Variants in TMOD1 observed in about 807,000 individuals in gnomAD.
TMOD1 encodes tropomodulin 1.
TMOD1 carries 17 observed loss-of-function variants against 40.6 expected under a neutral mutation model. That is an observed-to-expected ratio of 0.42 (90% CI 0.29 to 0.63). TMOD1 has a LOEUF of 0.63. Among genes scored for constraint, TMOD1 ranks in the 20% least tolerant of loss-of-function variants. TMOD1 has a pLI of 0.22. For missense variants in TMOD1, 391 were observed against 447.6 expected, an observed-to-expected ratio of 0.87 and a Z score of 1.14; for synonymous variants, 181 against 175.0, an observed-to-expected ratio of 1.03 and a Z score of -0.27.
At chr9:97,577,878 A>C (rs902333644) in intron 8 of TMOD1, among the ~76,000 whole-genome samples, 1 of 152,232 alleles carries the variant, frequency 6.6e-6, no homozygotes, top group Non-Finnish European at 1.5e-5. Flanking sequence ...GCTTTTGTAA[A>C]ATGTTTATGA....
intron 8 of TMOD1, among the ~76,000 whole-genome samples, chr9:97,573,303 C>T (rs947787686): frequency 6.6e-6 from 1 of 152,234 alleles, no homozygotes; most frequent in African/African-American, 2.4e-5. Context: ...GTGAGTCCCA[C>T]AAATGAGAAT....
At chr9:97,580,579 C>T (rs1255502358) in intron 8 of TMOD1, among the ~76,000 whole-genome samples, 2 of 146,986 alleles carry the variant, frequency 1.4e-5, no homozygotes, top group African/African-American at 2.5e-5. Flanking sequence ...ACACTCCAGC[C>T]TGGGCAACAG....
rs545813327 is a variant in TMOD1 at position 97,530,647 on chromosome 9, C to T, written c.120+6339C>T. ...GGACTACAGGCGCCCGCCACCATGC[C>T]TGGCTAATTGTTTTTGTATTTTTAG... On this transcript the variant is annotated intron_variant, in intron 2 of 9. Transcript: ENST00000259365. Among the ~76,000 whole-genome samples the T allele has an allele frequency of 6.2e-3, 946 of 152,102 alleles. 3 individuals carry two copies. The highest frequency in any genetic ancestry group is 8.3e-3 in the Non-Finnish European group (567 of 67,972).
intron 4 of TMOD1, 62 bp downstream of exon 4, chr9:97,553,462 A>G (rs191444659): frequency 1.4e-4 from 229 of 1,605,670 alleles, no homozygotes; most frequent in Middle Eastern, 3.3e-4. Flanking sequence ...ATCTGCAGGG[A>G]GCCTTGTAGG....
At position 97,502,946 on chromosome 9, in the gene TMOD1, C is replaced by A. The variant is rs80331764; in HGVS notation, c.-49+1143C>A. On this transcript the variant is annotated intron_variant, in intron 1 of 9. Coordinates refer to ENST00000259365, the MANE Select transcript of TMOD1 (RefSeq NM_003275.4). This position sits in a 1 kb window ranked among gnomAD's most constrained non-coding sequence, Gnocchi z 6.1. ...ACCTGCGCAGCGCCGCCCCCTCCTA[C>A]ACCCTTCACCCACCGCTACTATTAC... Among the ~76,000 whole-genome samples, 1,486 of 152,192 alleles carry A rather than the reference C, an allele frequency of 9.8e-3. 76 individuals carry two copies. Among genetic ancestry groups the A allele is most frequent in the Admixed American group, 0.084 (1,288 of 15,288 alleles).
chr9:97,524,250 C>T lies in TMOD1; in HGVS notation c.62C>T (p.Ala21Val). The stretch of plus-strand genomic sequence containing the variant: ...CTGGATGAAGATGAAATCCTTGGAG[C>T]CCTAACAGAGGAAGAGCTGAGGACC... ...RDLDEDEILG[A>V]LTEEELRTLE... is the part of the protein sequence containing the mutation. Residue 21 changes from alanine (A) to valine (V), a missense_variant, in exon 2 of 10, where the codon GCC (alanine) becomes GTC (valine). Ala to Val is a moderately conservative substitution (Grantham distance 64). Coordinates refer to ENST00000259365, the MANE Select transcript of TMOD1 (RefSeq NM_003275.4). 1.2e-6 allele frequency: 2 copies of T among 1,614,108 alleles called. No individual in the cohort carries two copies. The highest frequency in any genetic ancestry group is 1.7e-6 in the Non-Finnish European group (2 of 1,180,010).
intron 8 of TMOD1, among the ~76,000 whole-genome samples, chr9:97,582,796 CTGTT>C (rs1316958690): frequency 7.4e-6 from 1 of 134,954 alleles, no homozygotes; most frequent in Non-Finnish European, 1.6e-5. Context: ...ATTTGGCTCT[CTGTT>C]TGTCTGTTAT....
At chr9:97,508,436 C>T (rs1007288916) in intron 1 of TMOD1, among the ~76,000 whole-genome samples, 1 of 152,130 alleles carries the variant, frequency 6.6e-6, no homozygotes, top group Non-Finnish European at 1.5e-5. Flanking sequence ...GTGATCCACC[C>T]ACCTCGGCCT....
At position 97,591,273 on chromosome 9, in the gene TMOD1, A is replaced by C; in HGVS notation, c.871-18A>C. ...GTGGTGATTTTATTTTTTATTTTTTATTTTTTCTTGACTAAAGAGCCAGCC... is the reference window on the plus strand; with the variant it reads ...GTGGTGATTTTATTTTTTATTTTTTCTTTTTTCTTGACTAAAGAGCCAGCC... On this transcript the variant is annotated intron_variant, in intron 8 of 9. Transcript: ENST00000259365. The C allele has an allele frequency of 1.3e-6, 2 of 1,592,098 alleles. No homozygotes were observed. Among genetic ancestry groups the C allele is most frequent in the Non-Finnish European group, 1.7e-6 (2 of 1,168,630 alleles).
intron 8 of TMOD1, among the ~76,000 whole-genome samples, chr9:97,590,636 A>AT (rs991133465): frequency 9.0e-4 from 131 of 145,464 alleles, no homozygotes; most frequent in Non-Finnish European, 1.8e-3. Context: ...TTTTTTTCTG[A>AT]TTTTTTTTCT....
chr9:97,553,889 A>C (rs940508287), intron 4 of TMOD1, among the ~76,000 whole-genome samples: 19 of 152,114 alleles, frequency 1.2e-4, no homozygotes, highest in African/African-American at 4.1e-4. Flanking sequence ...CATGCCCTCC[A>C]TCTTCATATG....
chr9:97,556,049 G>T (rs1275494356), intron 4 of TMOD1, among the ~76,000 whole-genome samples: 1 of 152,004 alleles, frequency 6.6e-6, no homozygotes, highest in Non-Finnish European at 1.5e-5. Flanking sequence ...GATGAAACTT[G>T]GGACTAGGGG....
intron 1 of TMOD1, among the ~76,000 whole-genome samples, chr9:97,508,379 G>A (rs980562994): frequency 6.6e-6 from 1 of 151,910 alleles, no homozygotes; most frequent in Non-Finnish European, 1.5e-5. Context: ...TAGTAGAGAT[G>A]GGGTTTCGCC....
At position 97,556,884 on chromosome 9, in the gene TMOD1, C is replaced by T. The variant is rs184669953; in HGVS notation, c.397+3484C>T. ...TTGGGAGCGGCAGGAGGAGCGGTTC[C>T]GGGCTGGGGAGGGCAGGCCCCTCTG... On this transcript the variant is annotated intron_variant, in intron 4 of 9. Transcript: ENST00000259365. Among the ~76,000 whole-genome samples the T allele has an allele frequency of 5.5e-4, 84 of 152,152 alleles. 1 individual carries two copies. The highest frequency in any genetic ancestry group is 1.9e-3 in the African/African-American group (77 of 41,530).
chr9:97,508,088 C>G (rs1044939866), intron 1 of TMOD1, among the ~76,000 whole-genome samples: 41 of 151,370 alleles, frequency 2.7e-4, no homozygotes, highest in African/African-American at 9.0e-4. Flanking sequence ...CACACACACA[C>G]ACACACACAC....
At chr9:97,529,188 A>G (rs548720938) in intron 2 of TMOD1, among the ~76,000 whole-genome samples, 1 of 152,300 alleles carries the variant, frequency 6.6e-6, no homozygotes, top group South Asian at 2.1e-4. Context: ...TAGGAAAATA[A>G]TCCCTCTTTT....
chr9:97,503,856 C>T (rs1261287338), intron 1 of TMOD1, among the ~76,000 whole-genome samples: 1 of 152,206 alleles, frequency 6.6e-6, no homozygotes, highest in Non-Finnish European at 1.5e-5. Flanking sequence ...AAGGTGGTCT[C>T]TAGTGGACCT....
intron 8 of TMOD1, among the ~76,000 whole-genome samples, chr9:97,580,830 C>A (rs1188074981): frequency 1.3e-5 from 2 of 152,052 alleles, no homozygotes; most frequent in African/African-American, 2.4e-5. Flanking sequence ...GCCTCCTTAA[C>A]CCCAGGCAAC....
At chr9:97,517,228 T>C (rs1829825161) in intron 1 of TMOD1, among the ~76,000 whole-genome samples, 1 of 151,876 alleles carries the variant, frequency 6.6e-6, no homozygotes, top group South Asian at 2.1e-4. Context: ...TGCACCCCTG[T>C]AGTCCCAGCT....
Sources: allele counts gnomAD v4.1 joint callset (sites outside exome capture counted in the v4.1 genomes callset), GRCh38; gene constraint gnomAD v4.1.1; non-coding constraint Gnocchi (gnomAD v3.1); transcripts MANE v1.5; gene names NCBI Gene and HGNC (gene_info 2026-07-23, HGNC 2026-07-21).